The following ASTN1 variants were observed in gnomAD, a reference collection of about 807,000 sequenced individuals.
The protein encoded by ASTN1 is astrotactin-1.
A neutral mutation model predicts 140.7 loss-of-function variants in ASTN1; 41 were observed. That is an observed-to-expected ratio of 0.29 (90% CI 0.23 to 0.38). The LOEUF is 0.38. Among genes scored for constraint, ASTN1 ranks in the 10% least tolerant of loss-of-function variants. ASTN1 has a pLI of 1.00. For missense variants in ASTN1, 1,479 were observed against 1,678.8 expected (o/e 0.88, Z 2.08); for synonymous variants, 640 against 652.2 (o/e 0.98, Z 0.29).
downstream of ASTN1, among the ~76,000 whole-genome samples, chr1:176,860,306 A>G (rs1390641118): frequency 6.6e-6 from 1 of 152,170 alleles, no homozygotes; most frequent in East Asian, 1.9e-4. Flanking sequence ...ATGTTTTAAA[A>G]CTGCTACAGT....
chr1:177,156,242 C>T (rs1322020968), intron 1 of ASTN1, among the ~76,000 whole-genome samples: 3 of 148,696 alleles, frequency 2.0e-5, no homozygotes, highest in Non-Finnish European at 3.0e-5. Flanking sequence ...TGCACTCCAG[C>T]GTGGGCAACA....
intron 11 of ASTN1, among the ~76,000 whole-genome samples, chr1:176,952,686 C>A (rs905387303): frequency 1.3e-5 from 2 of 152,166 alleles, no homozygotes; most frequent in Non-Finnish European, 2.9e-5. Flanking sequence ...GTCTCCAAAC[C>A]ATGCCCTTCA....
At chr1:177,067,537 T>C (rs1229085094) in intron 1 of ASTN1, among the ~76,000 whole-genome samples, 2 of 152,172 alleles carry the variant, frequency 1.3e-5, no homozygotes, top group Non-Finnish European at 2.9e-5. Context: ...TAGGTCTAGT[T>C]TCCCACATGG....
chr1:177,009,898 T>A (rs1474102370), intron 8 of ASTN1, among the ~76,000 whole-genome samples: 2 of 152,150 alleles, frequency 1.3e-5, no homozygotes, highest in African/African-American at 4.8e-5. Flanking sequence ...TAGTGGGGAA[T>A]CTCCTTGGTG....
chr1:177,041,457 C>T (rs961466161), intron 2 of ASTN1, among the ~76,000 whole-genome samples: 1 of 152,222 alleles, frequency 6.6e-6, no homozygotes, highest in Non-Finnish European at 1.5e-5. Flanking sequence ...TCTGTCTCAG[C>T]AACTCATGGG....
chr1:176,998,293 A>G (rs1287857361), intron 8 of ASTN1, among the ~76,000 whole-genome samples: 1 of 152,204 alleles, frequency 6.6e-6, no homozygotes, highest in African/African-American at 2.4e-5. Flanking sequence ...AAAGCACTCA[A>G]TAAATATTAC....
intron 16 of ASTN1, among the ~76,000 whole-genome samples, chr1:176,925,870 A>G (rs1670939007): frequency 6.6e-6 from 1 of 151,152 alleles, no homozygotes; most frequent in Non-Finnish European, 1.5e-5. Flanking sequence ...CAGTGGCACA[A>G]TCTCGGCTCA....
chr1:176,877,634 T>A (rs964527810), intron 20 of ASTN1, among the ~76,000 whole-genome samples: 1 of 152,202 alleles, frequency 6.6e-6, no homozygotes, highest in Non-Finnish European at 1.5e-5. Context: ...GAAAAGGGAA[T>A]CTGAACACAA....
intron 16 of ASTN1, among the ~76,000 whole-genome samples, chr1:176,927,581 T>A (rs1036192919): frequency 1.1e-4 from 16 of 152,238 alleles, no homozygotes; most frequent in Non-Finnish European, 8.8e-5. Context: ...TACAGATCTA[T>A]ATCTTTTTAC....
intron 1 of ASTN1, among the ~76,000 whole-genome samples, chr1:177,090,127 T>C (rs1474827996): frequency 1.3e-5 from 2 of 151,990 alleles, no homozygotes; most frequent in African/African-American, 4.8e-5. Context: ...TATACAATTA[T>C]ATTGATAATC....
chr1:177,143,831 A>C (rs1682579722), intron 1 of ASTN1, among the ~76,000 whole-genome samples: 1 of 152,150 alleles, frequency 6.6e-6, no homozygotes, highest in South Asian at 2.1e-4. Context: ...AAATATTCTC[A>C]TACTGATGCT....
chr1:177,011,621 G>C (rs1675293687), intron 8 of ASTN1, among the ~76,000 whole-genome samples: 1 of 149,402 alleles, frequency 6.7e-6, no homozygotes, highest in East Asian at 2.0e-4. Context: ...TACCACATGT[G>C]CACACATAAT....
chr1:177,015,997 C>T (rs911092725), intron 7 of ASTN1, among the ~76,000 whole-genome samples: 5 of 152,214 alleles, frequency 3.3e-5, no homozygotes, highest in Admixed American at 1.3e-4. Flanking sequence ...AAATGATGGG[C>T]ATACCATTTC....
At chr1:177,120,015 A>C (rs575514749) in intron 1 of ASTN1, among the ~76,000 whole-genome samples, 84 of 152,234 alleles carry the variant, frequency 5.5e-4, no homozygotes, top group Non-Finnish European at 9.3e-4. Context: ...TTGATAAAGA[A>C]TCCAGGAAAC....
rs199605222 is a variant in ASTN1, at chr1:177,023,577, G to A, written c.1271-6C>T. On this transcript the variant is annotated splice_region_variant and splice_polypyrimidine_tract_variant and intron_variant, in intron 6 of 22. Coordinates refer to ENST00000361833, the MANE Select transcript of ASTN1 (RefSeq NM_004319.3). ...CAGCAAGATGAAGCGGCTCCCTGCA[G>A]GGTGAGAGAAAGGAAGCATGCCTAT... The A allele has an allele frequency of 1.1e-4, 167 of 1,573,356 alleles. No homozygotes were observed. Among genetic ancestry groups the A allele is most frequent in the Non-Finnish European group, 1.4e-4 (161 of 1,164,574 alleles).
chr1:176,920,309 C>A (rs886957925), intron 16 of ASTN1, among the ~76,000 whole-genome samples: 4 of 152,144 alleles, frequency 2.6e-5, no homozygotes, highest in African/African-American at 9.7e-5. Context: ...GTCCTTGCTC[C>A]AGCCTCAGTG....
chr1:177,128,459 A>T (rs978303998), intron 1 of ASTN1, among the ~76,000 whole-genome samples: 3 of 152,234 alleles, frequency 2.0e-5, no homozygotes, highest in African/African-American at 7.2e-5. Flanking sequence ...TCAAAAGTCA[A>T]ATGAGTTACT....
chr1:176,999,996 G>T (rs1041268725), intron 8 of ASTN1, among the ~76,000 whole-genome samples: 1 of 152,166 alleles, frequency 6.6e-6, no homozygotes. Context: ...GGAGTAATAC[G>T]AATGTATGTT....
At chr1:176,873,405 A>C (rs899552587) in intron 21 of ASTN1, among the ~76,000 whole-genome samples, 2 of 152,206 alleles carry the variant, frequency 1.3e-5, no homozygotes, top group Non-Finnish European at 2.9e-5. Flanking sequence ...CAGTGGCTTT[A>C]GTGTCATGAT....
Sources: allele counts gnomAD v4.1 joint callset (sites outside exome capture counted in the v4.1 genomes callset), GRCh38; gene constraint gnomAD v4.1.1; transcripts MANE v1.5; gene names NCBI Gene and HGNC (gene_info 2026-07-23, HGNC 2026-07-21).